The following CUX1 variants were observed in gnomAD, a reference collection of about 807,000 sequenced individuals.
The protein encoded by CUX1 is protein CASP.
CUX1 carries 31 observed loss-of-function variants against 158.8 expected under a neutral mutation model. The ratio of observed to expected loss-of-function variants is 0.20; its 90% CI spans 0.15 to 0.26. The LOEUF (loss-of-function observed/expected upper bound fraction) is 0.26. Ranked by LOEUF, CUX1 falls within the 10% of genes least tolerant of loss-of-function variation. The probability of loss-of-function intolerance (pLI) is 1.00; values close to 1 mark genes in which losing one functional copy is unlikely to be tolerated. For synonymous variants in CUX1, 879 were observed against 862.1 expected (o/e 1.02, Z -0.34); for missense variants, 1,589 against 2,014.6 (o/e 0.79, Z 4.04).
At chr7:102,058,800 C>A (rs1771815140) in intron 3 of CUX1, among the ~76,000 whole-genome samples, 1 of 152,222 alleles carries the variant, frequency 6.6e-6, no homozygotes, top group Admixed American at 6.5e-5. Context: ...CACTCCCCCA[C>A]CGGGATTTAC....
At chr7:101,936,163 C>A (rs1267434792) in intron 2 of CUX1, among the ~76,000 whole-genome samples, 4 of 148,856 alleles carry the variant, frequency 2.7e-5, no homozygotes, top group Non-Finnish European at 5.9e-5. Context: ...CAAGGAGATG[C>A]AGGTGGAGGA....
chr7:102,036,659 T>C (rs1821451677), intron 3 of CUX1, among the ~76,000 whole-genome samples: 1 of 151,932 alleles, frequency 6.6e-6, no homozygotes, highest in Non-Finnish European at 1.5e-5. Flanking sequence ...GGAGAATTGC[T>C]TGAACCCGGG....
At chr7:101,920,714 G>C (rs1003675195) in intron 2 of CUX1, among the ~76,000 whole-genome samples, 1 of 152,118 alleles carries the variant, frequency 6.6e-6, no homozygotes, top group Non-Finnish European at 1.5e-5. Flanking sequence ...AATTGTATAC[G>C]TTTTCTTTGA....
At chr7:102,075,323 G>A (rs1477745342) in intron 4 of CUX1, among the ~76,000 whole-genome samples, 6 of 152,164 alleles carry the variant, frequency 3.9e-5, no homozygotes, top group South Asian at 2.1e-4. Context: ...AATCGCCACC[G>A]ACCCCTCTGG....
rs1252442008 is a variant in CUX1, at chr7:101,977,658, CAT to C, written c.142-50438_142-50437del. Reference sequence around the variant, plus strand: ...ACCGTGGCTCAAAATAAATAAATAACATAAAAAGATTCTCCTTTGAGAGAATC... The same window carrying C: ...ACCGTGGCTCAAAATAAATAAATAACAAAAAGATTCTCCTTTGAGAGAATC... On this transcript the variant is annotated intron_variant, in intron 2 of 23. Coordinates refer to ENST00000292535, the MANE Select transcript of CUX1 (RefSeq NM_181552.4). Among the ~76,000 whole-genome samples, 5 of 152,152 alleles carry C rather than the reference CAT, an allele frequency of 3.3e-5. No homozygotes were observed. In the East Asian group the frequency reaches 7.7e-4, roughly 23 times the overall value.
chr7:102,051,256 G>C, intron 3 of CUX1, among the ~76,000 whole-genome samples: 1 of 151,734 alleles, frequency 6.6e-6, no homozygotes, highest in East Asian at 1.9e-4. Context: ...CTCCCACCAC[G>C]AATAAAGATG....
At chr7:101,846,966 T>C (rs1322655520) in intron 1 of CUX1, among the ~76,000 whole-genome samples, 1 of 151,886 alleles carries the variant, frequency 6.6e-6, no homozygotes, top group Non-Finnish European at 1.5e-5. Flanking sequence ...ACCCTGTCTC[T>C]ACAAAAAAAT....
chr7:102,064,863 A>T (rs1374281336), intron 3 of CUX1, among the ~76,000 whole-genome samples: 1 of 152,198 alleles, frequency 6.6e-6, no homozygotes, highest in East Asian at 1.9e-4. Flanking sequence ...ACAGCCCAGG[A>T]ACCCAGCTCG....
chr7:101,902,347 T>C (rs535218125), intron 1 of CUX1, among the ~76,000 whole-genome samples: 7 of 152,180 alleles, frequency 4.6e-5, no homozygotes, highest in South Asian at 2.1e-4. Flanking sequence ...CTGGGGGTCA[T>C]TGGAGGCCAG....
intron 2 of CUX1, among the ~76,000 whole-genome samples, chr7:102,005,106 G>A (rs796976387): frequency 2.0e-4 from 31 of 152,254 alleles, no homozygotes; most frequent in African/African-American, 6.7e-4. Context: ...ACTCCTGCCC[G>A]TCATTCAGGC....
At chr7:102,049,682 AAAAC>A (rs1233017050) in intron 3 of CUX1, among the ~76,000 whole-genome samples, 2 of 152,110 alleles carry the variant, frequency 1.3e-5, no homozygotes, top group African/African-American at 4.8e-5. Context: ...TCTACCAAAA[AAAAC>A]AAAAACAAAA....
At chr7:102,026,014 C>CA (rs747062241) in intron 2 of CUX1, among the ~76,000 whole-genome samples, 6 of 151,920 alleles carry the variant, frequency 3.9e-5, no homozygotes, top group Non-Finnish European at 5.9e-5. Context: ...CTTATCTCTA[C>CA]AAAAAAATAA....
intron 2 of CUX1, among the ~76,000 whole-genome samples, chr7:101,935,225 A>T (rs1044652752): frequency 1.3e-5 from 2 of 152,074 alleles, no homozygotes; most frequent in African/African-American, 2.4e-5. Flanking sequence ...CCTACTGAGC[A>T]CCTTGTGACC....
At chr7:101,906,189 G>A (rs1280811210) in intron 1 of CUX1, among the ~76,000 whole-genome samples, 1 of 151,870 alleles carries the variant, frequency 6.6e-6, no homozygotes, top group Admixed American at 6.6e-5. Flanking sequence ...CAAAGTTCTG[G>A]GAAATTCATA....
intron 3 of CUX1, among the ~76,000 whole-genome samples, chr7:102,045,832 G>C (rs1362696446): frequency 6.6e-6 from 1 of 152,222 alleles, no homozygotes; most frequent in Non-Finnish European, 1.5e-5. Flanking sequence ...CTCGGGCAGA[G>C]TGGGCCTTCC....
At chr7:101,895,917 T>G (rs1584912514) in intron 1 of CUX1, among the ~76,000 whole-genome samples, 1 of 146,422 alleles carries the variant, frequency 6.8e-6, no homozygotes, top group Non-Finnish European at 1.5e-5. Context: ...TGTTTTTTTT[T>G]TTTTTTTTTG....
chr7:101,951,575 G>A (rs1307532865), intron 2 of CUX1, among the ~76,000 whole-genome samples: 2 of 151,474 alleles, frequency 1.3e-5, no homozygotes, highest in Admixed American at 6.6e-5. Context: ...GCATGATCTC[G>A]GCTCACTGCA....
chr7:101,947,159 C>T (rs1808486500), intron 2 of CUX1, among the ~76,000 whole-genome samples: 1 of 152,110 alleles, frequency 6.6e-6, no homozygotes, highest in Admixed American at 6.5e-5. Flanking sequence ...GAGGCTGAGG[C>T]GGGAGGATCC....
At chr7:101,959,746 T>C (rs1050460325) in intron 2 of CUX1, 2 of 152,182 alleles carry the variant, frequency 1.3e-5, no homozygotes, top group African/African-American at 4.8e-5. Flanking sequence ...CCTGCTCGAT[T>C]TGGGGAGGCT....
Sources: gnomAD v4.1 joint callset for allele counts (sites outside exome capture counted in the v4.1 genomes callset) on GRCh38, gnomAD v4.1.1 for gene constraint, MANE v1.5 for transcripts, NCBI Gene and HGNC (gene_info 2026-07-23, HGNC 2026-07-21) for gene names.